The following SIPA1L2 variants were observed in gnomAD, a reference collection of about 807,000 sequenced individuals.
SIPA1L2 encodes signal-induced proliferation-associated 1-like protein 2.
A neutral mutation model predicts 163.9 loss-of-function variants in SIPA1L2; 56 were observed. The ratio of observed to expected loss-of-function variants is 0.34; its 90% CI spans 0.28 to 0.43. The LOEUF (loss-of-function observed/expected upper bound fraction) is 0.43. Among genes scored for constraint, SIPA1L2 ranks in the 20% least tolerant of loss-of-function variants. The probability of loss-of-function intolerance (pLI) is 1.00; values close to 1 mark genes in which losing one functional copy is unlikely to be tolerated. For missense variants in SIPA1L2, 1,974 were observed against 2,193.5 expected, an observed-to-expected ratio of 0.90 and a Z score of 2.00; for synonymous variants, 877 against 865.7, an observed-to-expected ratio of 1.01 and a Z score of -0.23.
intron 1 of SIPA1L2, among the ~76,000 whole-genome samples, chr1:232,599,189 T>G (rs757691180): frequency 4.6e-5 from 7 of 152,106 alleles, no homozygotes; most frequent in Non-Finnish European, 1.0e-4. Flanking sequence ...GGGTTCTGGA[T>G]TCAGATTACA....
chr1:232,595,860 A>T (rs1034260422), intron 1 of SIPA1L2, among the ~76,000 whole-genome samples: 1 of 152,228 alleles, frequency 6.6e-6, no homozygotes, highest in African/African-American at 2.4e-5. Context: ...AATAGATGGA[A>T]ATCATCTTTC....
In SIPA1L2 at chr1:232,465,434, G is replaced by C; in HGVS notation, c.2244-18C>G. The C allele has an allele frequency of 6.3e-7, 1 of 1,579,396 alleles. No individual in the cohort carries two copies. Among genetic ancestry groups the C allele is most frequent in the Non-Finnish European group, 8.6e-7 (1 of 1,161,902 alleles). On this transcript the variant is annotated intron_variant, in intron 8 of 22. Coordinates refer to ENST00000674635, the MANE Select transcript of SIPA1L2 (RefSeq NM_020808.5). The surrounding 1 kb of genome is among the most constrained non-coding windows in gnomAD (Gnocchi z 4.1). ...CTCCAACACTGAGGAAGTAAAAACA[G>C]AAACAAAATGAGATGAGCTATGATA...
intron 1 of SIPA1L2, among the ~76,000 whole-genome samples, chr1:232,622,720 C>A (rs1215868615): frequency 6.6e-6 from 1 of 152,202 alleles, no homozygotes; most frequent in East Asian, 1.9e-4. Flanking sequence ...GAAACTTCCA[C>A]ATTTTTACCA....
chr1:232,426,292 T>C (rs1661892990), intron 17 of SIPA1L2, among the ~76,000 whole-genome samples: 2 of 152,200 alleles, frequency 1.3e-5, no homozygotes, highest in African/African-American at 4.8e-5. Flanking sequence ...TTGTGAACAT[T>C]GAAGCTTTGC....
intron 3 of SIPA1L2, among the ~76,000 whole-genome samples, chr1:232,513,026 TAATGA>T (rs1299474748): frequency 1.3e-5 from 2 of 152,258 alleles, no homozygotes; most frequent in East Asian, 3.9e-4. Context: ...AGCTGCACTA[TAATGA>T]AGGCGTGAAG....
chr1:232,453,263 AC>A (rs1368553757), intron 10 of SIPA1L2, among the ~76,000 whole-genome samples: 2 of 152,200 alleles, frequency 1.3e-5, no homozygotes, highest in African/African-American at 4.8e-5. Context: ...GCAAAACAAA[AC>A]CAAAAAACCT....
chr1:232,408,048 A>G (rs1428845039), intron 19 of SIPA1L2, among the ~76,000 whole-genome samples: 2 of 152,226 alleles, frequency 1.3e-5, no homozygotes, highest in African/African-American at 4.8e-5. Flanking sequence ...AACAAAGGGT[A>G]TGATAAGCAC....
At position 232,460,348 on chromosome 1, in the gene SIPA1L2, C is replaced by T. The variant is rs145517403; in HGVS notation, c.3095+539G>A. ...TATTTCTCCTGACAGTTTATGATAACGCCCTGAACCAGTTCAACATCTCTC... is the reference window on the plus strand; with the variant it reads ...TATTTCTCCTGACAGTTTATGATAATGCCCTGAACCAGTTCAACATCTCTC... On this transcript the variant is annotated intron_variant, in intron 10 of 22. Coordinates refer to ENST00000674635, the MANE Select transcript of SIPA1L2 (RefSeq NM_020808.5). 2.8e-3 allele frequency among the ~76,000 whole-genome samples: 424 copies of T among 152,246 alleles called. 2 individuals carry two copies. Among genetic ancestry groups the T allele is most frequent in the African/African-American group, 9.6e-3 (399 of 41,532 alleles).
chr1:232,513,773 G>T, intron 3 of SIPA1L2, 84 bp downstream of exon 3: 2 of 1,399,750 alleles, frequency 1.4e-6, no homozygotes, highest in Non-Finnish European at 1.9e-6. Flanking sequence ...TGAGGAAGGT[G>T]CTCCAACACA....
chr1:232,591,599 GCT>G (rs919260292), intron 1 of SIPA1L2, among the ~76,000 whole-genome samples: 19 of 152,344 alleles, frequency 1.2e-4, no homozygotes, highest in African/African-American at 4.3e-4. Context: ...TTGCCTTTAA[GCT>G]CTCTCTTCAG....
chr1:232,428,333 C>T (rs1662022199), intron 17 of SIPA1L2, 78 bp downstream of exon 17: 1 of 1,293,402 alleles, frequency 7.7e-7, no homozygotes, highest in East Asian at 2.7e-5. Context: ...CTCTGGAAAC[C>T]TCTGAGTTTC....
At chr1:232,595,563 C>T (rs750620726) in intron 1 of SIPA1L2, among the ~76,000 whole-genome samples, 8 of 152,186 alleles carry the variant, frequency 5.3e-5, no homozygotes, top group African/African-American at 9.7e-5. Context: ...CCCCAGCACA[C>T]TAATCTCATT....
chr1:232,585,423 A>G (rs898102986), intron 1 of SIPA1L2, among the ~76,000 whole-genome samples: 3 of 152,196 alleles, frequency 2.0e-5, no homozygotes, highest in African/African-American at 7.2e-5. Flanking sequence ...TCATTATATA[A>G]GCACAGATGA....
At position 232,461,089 on chromosome 1, in the gene SIPA1L2, C is replaced by T. The variant is rs749650290; in HGVS notation, c.2893G>A (p.Val965Met). ...RNGLGQLGFH[V>M]NFEGIVADVE... is the part of the protein sequence containing the mutation. Reference sequence around the variant, plus strand: ...TCTGCGACAATTCCTTCAAAATTCACATGGAAGCCAAGCTGGCCCAGCCCG... The same window carrying T: ...TCTGCGACAATTCCTTCAAAATTCATATGGAAGCCAAGCTGGCCCAGCCCG... The change falls in exon 10 of 23, where the codon GTG becomes ATG. Residue 965 changes from valine (V) to methionine (M), a missense_variant. Around this residue, in one of 3 missense-constraint regions of SIPA1L2, gnomAD observed 1,079 missense variants for 1,150.7 expected, o/e 0.94. Transcript: ENST00000674635. 6.2e-7 allele frequency: 1 copy of T among 1,614,290 alleles called. No individual in the cohort carries two copies. The highest frequency in any genetic ancestry group is 1.7e-5 in the Admixed American group (1 of 60,036).
intron 1 of SIPA1L2, among the ~76,000 whole-genome samples, chr1:232,575,858 T>C (rs1352060513): frequency 1.3e-5 from 2 of 152,094 alleles, no homozygotes; most frequent in Non-Finnish European, 2.9e-5. Context: ...GGAAGCAAAG[T>C]CTCACACAAA....
intron 2 of SIPA1L2, among the ~76,000 whole-genome samples, chr1:232,568,173 C>T (rs932156275): frequency 3.9e-5 from 6 of 152,138 alleles, no homozygotes; most frequent in Admixed American, 1.3e-4. Context: ...CCAACGAGGG[C>T]GTTGTGGAAA....
intron 1 of SIPA1L2, among the ~76,000 whole-genome samples, chr1:232,580,738 C>T (rs1294783330): frequency 6.6e-6 from 1 of 152,106 alleles, no homozygotes; most frequent in African/African-American, 2.4e-5. Flanking sequence ...AAAGGAGGGC[C>T]TTAGAGAAAG....
intron 10 of SIPA1L2, among the ~76,000 whole-genome samples, chr1:232,456,321 G>T (rs10910518): frequency 0.29 from 44,214 of 151,988 alleles, 7,039 homozygotes; most frequent in East Asian, 0.58. Context: ...CATACTTCAG[G>T]GAGTTGAATG....
At chr1:232,605,198 C>T (rs1003243850) in intron 1 of SIPA1L2, among the ~76,000 whole-genome samples, 1 of 152,072 alleles carries the variant, frequency 6.6e-6, no homozygotes, top group African/African-American at 2.4e-5. Context: ...TCTTTTTGTA[C>T]AGACGGGGTT....
Sources: allele counts gnomAD v4.1 joint callset (sites outside exome capture counted in the v4.1 genomes callset), GRCh38; gene constraint gnomAD v4.1.1; regional missense constraint gnomAD v4.1.1; non-coding constraint Gnocchi (gnomAD v3.1); transcripts MANE v1.5; gene names NCBI Gene and HGNC (gene_info 2026-07-23, HGNC 2026-07-21).